Variants in TANK observed in about 807,000 individuals in gnomAD.
The protein encoded by TANK is TRAF family member-associated NF-kappa-B activator.
TANK carries 15 observed loss-of-function variants against 43.6 expected under a neutral mutation model. The observed-to-expected ratio is 0.34, with a 90% CI of 0.23 to 0.53. The LOEUF is 0.53. Among genes scored for constraint, TANK ranks in the 20% least tolerant of loss-of-function variants. The pLI, the probability that TANK is intolerant of heterozygous loss-of-function variation, is 0.94. For missense variants in TANK, 417 were observed against 498.6 expected, an observed-to-expected ratio of 0.84 and a Z score of 1.56; for synonymous variants, 162 against 178.2, an observed-to-expected ratio of 0.91 and a Z score of 0.73.
At chr2:161,224,138 A>G in intron 5 of TANK, 147 bp downstream of exon 5, 1 of 544,736 alleles carries the variant, frequency 1.8e-6, no homozygotes, top group Non-Finnish European at 3.3e-6. Context: ...CCTACATGTT[A>G]AAGATGACCT....
chr2:161,179,599 C>T lies in TANK; in HGVS notation c.-49-15C>T. On this transcript the variant is annotated splice_polypyrimidine_tract_variant and intron_variant, in intron 1 of 7. Coordinates refer to ENST00000392749, the MANE Select transcript of TANK (RefSeq NM_001199135.3). ...TAACTTAGTAATTATCTAAATTGATCTCATTATTTTGCAGACCTGTCATTT... is the reference window on the plus strand; with the variant it reads ...TAACTTAGTAATTATCTAAATTGATTTCATTATTTTGCAGACCTGTCATTT... The T allele has an allele frequency of 2.5e-6, 4 of 1,586,222 alleles. No individual in the cohort carries two copies. The highest frequency in any genetic ancestry group is 3.4e-6 in the Non-Finnish European group (4 of 1,165,290).
intron 1 of TANK, among the ~76,000 whole-genome samples, chr2:161,166,332 A>G (rs3769980): frequency 0.11 from 17,434 of 152,256 alleles, 1,731 homozygotes; most frequent in African/African-American, 0.26. Flanking sequence ...ATGTGGAAGG[A>G]GAATAGAAAT....
intron 4 of TANK, among the ~76,000 whole-genome samples, chr2:161,208,372 C>T (rs1049541156): frequency 1.3e-5 from 2 of 152,110 alleles, no homozygotes; most frequent in African/African-American, 4.8e-5. Flanking sequence ...GAGGTAAAGA[C>T]AAAGCCTCTA....
chr2:161,227,584 G>A (rs991513905), intron 6 of TANK, among the ~76,000 whole-genome samples: 3 of 152,158 alleles, frequency 2.0e-5, no homozygotes, highest in Non-Finnish European at 2.9e-5. Context: ...ATGAATTAAT[G>A]TACATACAAT....
intron 2 of TANK, among the ~76,000 whole-genome samples, chr2:161,191,100 C>T (rs926595959): frequency 6.6e-6 from 1 of 152,146 alleles, no homozygotes; most frequent in Non-Finnish European, 1.5e-5. Context: ...GTGTTTCTTC[C>T]AGTTCACTGC....
At chr2:161,155,115 C>T (rs1296442353) in intron 1 of TANK, among the ~76,000 whole-genome samples, 2 of 152,086 alleles carry the variant, frequency 1.3e-5, no homozygotes, top group East Asian at 3.9e-4. Context: ...TAAAATGATA[C>T]ATCTTCAATT....
chr2:161,198,337 G>T (rs1483486727), intron 2 of TANK, among the ~76,000 whole-genome samples: 1 of 152,228 alleles, frequency 6.6e-6, no homozygotes, highest in Non-Finnish European at 1.5e-5. Context: ...ACACACTGGG[G>T]TGGAAGTTGG....
At chr2:161,169,562 T>C (rs1558971063) in intron 1 of TANK, among the ~76,000 whole-genome samples, 1 of 152,194 alleles carries the variant, frequency 6.6e-6, no homozygotes, top group Admixed American at 6.5e-5. Flanking sequence ...CAGTATTACA[T>C]GTTATTTAGG....
intron 7 of TANK, among the ~76,000 whole-genome samples, chr2:161,232,555 T>C (rs1373610546): frequency 6.6e-6 from 1 of 152,224 alleles, no homozygotes; most frequent in African/African-American, 2.4e-5. Context: ...ACCTCACTTA[T>C]GTTCTTGTTC....
At chr2:161,156,401 T>C, upstream of TANK, 3 of 973,378 alleles carry the variant, frequency 3.1e-6, no homozygotes, top group Non-Finnish European at 3.7e-6. Flanking sequence ...TCCCTCCTTA[T>C]CTTAGTCTAA....
At chr2:161,191,727 T>C (rs1685923636) in intron 2 of TANK, among the ~76,000 whole-genome samples, 1 of 152,204 alleles carries the variant, frequency 6.6e-6, no homozygotes, top group African/African-American at 2.4e-5. Flanking sequence ...TTCAGGTTTG[T>C]ACATATAAAC....
At chr2:161,193,052 A>G (rs1685991451) in intron 2 of TANK, among the ~76,000 whole-genome samples, 1 of 152,228 alleles carries the variant, frequency 6.6e-6, no homozygotes, top group African/African-American at 2.4e-5. Flanking sequence ...GCTAGAGCAT[A>G]AAGTTTGCTA....
chr2:161,150,391 T>C (rs1237489179), intron 1 of TANK, among the ~76,000 whole-genome samples: 1 of 152,068 alleles, frequency 6.6e-6, no homozygotes, highest in Non-Finnish European at 1.5e-5. Flanking sequence ...TTTAAAGTTT[T>C]GTCAATTTTC....
chr2:161,200,413 GAAAA>G lies in TANK; in HGVS notation c.100-3067_100-3064del, dbSNP rs76156262. 10 of 907,742 alleles carry G rather than the reference GAAAA, an allele frequency of 1.1e-5. No individual in the cohort carries two copies. The African/African-American group carries it at 1.1e-4, about 10-fold the overall frequency. 56.2% of individuals were successfully genotyped at this position (907,742 alleles called of 1,614,324 possible). A position where few individuals can be genotyped will look rare whatever the true frequency, so the allele number is the denominator to read the frequency against. On this transcript the variant is annotated intron_variant, in intron 2 of 7. Transcript: ENST00000392749. ...TGTGAACAAAAGCATTTAATCAAAT[GAAAA>G]AAAAAAGACTAGTTTCATTTACTTT...
chr2:161,190,133 C>G (rs1420316673), intron 2 of TANK, among the ~76,000 whole-genome samples: 2 of 152,092 alleles, frequency 1.3e-5, no homozygotes, highest in African/African-American at 2.4e-5. Flanking sequence ...TCAACAACAA[C>G]AAAACCTGGA....
chr2:161,204,430 A>G (rs1173733623), intron 3 of TANK, among the ~76,000 whole-genome samples: 2 of 152,196 alleles, frequency 1.3e-5, no homozygotes, highest in East Asian at 3.8e-4. Context: ...CTAGTTTTCT[A>G]AATTCTGCAT....
intron 2 of TANK, among the ~76,000 whole-genome samples, chr2:161,180,456 A>C (rs1014778815): frequency 1.3e-5 from 2 of 152,286 alleles, no homozygotes; most frequent in South Asian, 2.1e-4. Context: ...TGAGAAAAAT[A>C]AGGCTAATTA....
At chr2:161,198,211 C>A (rs781248995) in intron 2 of TANK, among the ~76,000 whole-genome samples, 4 of 152,178 alleles carry the variant, frequency 2.6e-5, no homozygotes, top group Non-Finnish European at 4.4e-5. Context: ...GAACAAAGGG[C>A]TAACAGGTTC....
At chr2:161,161,767 C>G (rs368096769) in intron 1 of TANK, 1 of 191,680 alleles carries the variant, frequency 5.2e-6, no homozygotes, top group African/African-American at 2.3e-5. Context: ...ATGTCCTGTC[C>G]GTATATATTG....
Sources: gnomAD v4.1 joint callset for allele counts (sites outside exome capture counted in the v4.1 genomes callset) on GRCh38, gnomAD v4.1.1 for gene constraint, MANE v1.5 for transcripts, NCBI Gene and HGNC (gene_info 2026-07-23, HGNC 2026-07-21) for gene names.